Variants in OR2L5 observed in about 807,000 individuals in gnomAD.
OR2L5 encodes the protein olfactory receptor 2L5.
For missense variants in OR2L5, 413 were observed against 381.6 expected (o/e 1.08, Z -0.69); for synonymous variants, 169 against 142.0 (o/e 1.19, Z -1.35).
rs766169928 is a variant in OR2L5, at chr1:248,022,437, C to T, written c.490C>T (p.Arg164Cys). ...NSCAHTVYAFRIPYCKSRAIN... is the reference protein window; with the variant it reads ...NSCAHTVYAFCIPYCKSRAIN... Reference sequence around the variant, plus strand: ...TTGTGCTCACACAGTATATGCATTCCGTATCCCATATTGCAAGTCCAGAGC... The same window carrying T: ...TTGTGCTCACACAGTATATGCATTCTGTATCCCATATTGCAAGTCCAGAGC... The change falls in exon 2 of 2, where the codon CGT becomes TGT. Residue 164 changes from arginine to cysteine, a missense_variant. Physicochemically the swap from Arg to Cys is radical, Grantham distance 180. Transcript: ENST00000355281. The T allele has an allele frequency of 5.5e-5, 88 of 1,614,004 alleles. No individual in the cohort carries two copies. Among genetic ancestry groups the T allele is most frequent in the African/African-American group, 2.7e-4 (20 of 74,906 alleles).
In OR2L5 at chr1:248,019,755, C is replaced by T. The variant is rs564833650; in HGVS notation, c.-21-2172C>T. ...TTCCTTCCTTCTCCTTCTCCTTCTC[C>T]TTCTTCTTCTTCTTTGTCTTGTTCT... On this transcript the variant is annotated intron_variant, in intron 1 of 1. Transcript: ENST00000355281. Among the ~76,000 whole-genome samples, 5 of 144,976 alleles carry T rather than the reference C, an allele frequency of 3.4e-5. No homozygotes were observed. In the South Asian group the frequency reaches 1.0e-3, roughly 30 times the overall value.
chr1:248,019,085 C>G (rs549809408), intron 1 of OR2L5, among the ~76,000 whole-genome samples: 1 of 152,032 alleles, frequency 6.6e-6, no homozygotes, highest in Non-Finnish European at 1.5e-5. Context: ...TGTGATAATA[C>G]TGCTGTGAAT....
chr1:248,022,807 T>A lies in OR2L5; in HGVS notation c.860T>A (p.Ile287Asn). ...ATCCTCACCCCAATGCTCAACCCCA[T>A]CATCTACAGCCTGAGAAACAAGGAG... is the stretch of plus-strand genomic sequence containing the variant. ...YTILTPMLNP[I>N]IYSLRNKEVM... is the part of the protein sequence containing the mutation. Residue 287 changes from isoleucine (I) to asparagine (N), a missense_variant, in exon 2 of 2, where the codon ATC becomes AAC. Ile to Asn is a moderately radical substitution (Grantham distance 149, BLOSUM62 -3). Transcript: ENST00000355281. 6.2e-7 allele frequency: 1 copy of A among 1,613,530 alleles called. No individual in the cohort carries two copies. The highest frequency in any genetic ancestry group is 8.5e-7 in the Non-Finnish European group (1 of 1,179,910).
chr1:248,018,256 G>A (rs1662254771), intron 1 of OR2L5, among the ~76,000 whole-genome samples: 1 of 151,912 alleles, frequency 6.6e-6, no homozygotes, highest in African/African-American at 2.4e-5. Flanking sequence ...CTATTATTCT[G>A]TCCTATGTTA....
Position 248,022,482 on chromosome 1 carries a change from G to A in OR2L5, c.535G>A (p.Asp179Asn), listed in dbSNP as rs751404322. The part of the protein sequence containing the change: ...KSRAINHFFC[D>N]VPAMLTLACT... The stretch of plus-strand genomic sequence containing the variant: ...CAGAGCCATCAATCATTTTTTCTGT[G>A]ATGTTCCAGCTATGTTGACATTAGC... The change falls in exon 2 of 2, where the codon GAT becomes AAT. Residue 179 changes from aspartate to asparagine, a missense_variant. By Grantham distance (23) the Asp-to-Asn change is conservative. Coordinates refer to ENST00000355281, the MANE Select transcript of OR2L5 (RefSeq NM_001258284.2). The A allele has an allele frequency of 6.2e-6, 10 of 1,613,996 alleles. No individual in the cohort carries two copies. In the South Asian group the frequency reaches 9.9e-5, roughly 16 times the overall value.
At chr1:248,018,057 A>G (rs1346575621) in intron 1 of OR2L5, among the ~76,000 whole-genome samples, 1 of 151,546 alleles carries the variant, frequency 6.6e-6, no homozygotes, top group Admixed American at 6.6e-5. Flanking sequence ...TGGGAGGCTG[A>G]GGCAGGAGAA....
At chr1:248,016,746 T>C (rs1662207191) in intron 1 of OR2L5, among the ~76,000 whole-genome samples, 1 of 151,946 alleles carries the variant, frequency 6.6e-6, no homozygotes. Context: ...TATTTATTTA[T>C]ATGTTTTCAT....
Position 248,022,940 on chromosome 1 carries a change from T to C in OR2L5, c.*54T>C, listed in dbSNP as rs1472862276. ...CTAGGTTCATATCAACTCAGCAGTG[T>C]ACAGCAGTGAAGAAAAACATTATTA... On this transcript the variant is annotated 3_prime_UTR_variant, in exon 2 of 2. Transcript: ENST00000355281. 2.7e-6 allele frequency: 4 copies of C among 1,480,192 alleles called. No individual in the cohort carries two copies. Among genetic ancestry groups the C allele is most frequent in the East Asian group, 4.5e-5 (2 of 43,986 alleles). 91.7% of individuals were successfully genotyped at this position (1,480,192 alleles called of 1,614,324 possible). A position where few individuals can be genotyped will look rare whatever the true frequency, so the allele number is the denominator to read the frequency against.
intron 1 of OR2L5, among the ~76,000 whole-genome samples, chr1:248,015,533 C>G (rs1662176952): frequency 6.6e-6 from 1 of 152,136 alleles, no homozygotes; most frequent in African/African-American, 2.4e-5. Context: ...GAAACTGACC[C>G]TGTCACCTGT....
rs1353782677 is a variant in OR2L5 at position 248,024,186 on chromosome 1, T to C, written c.*1300T>C. The C allele has an allele frequency of 6.6e-6, 1 of 152,106 alleles. No individual in the cohort carries two copies. The allele number at this position is 152,106 out of a possible 1,614,324, so 9.4% of individuals were successfully genotyped here. ...AGTTTTAAGCCCCATATGCTTTAGG[T>C]ATTTGTCCTAATGCTCTCCCTCCCC... On this transcript the variant is annotated 3_prime_UTR_variant, in exon 2 of 2. Coordinates refer to ENST00000355281, the MANE Select transcript of OR2L5 (RefSeq NM_001258284.2).
chr1:248,021,844 G>T, intron 1 of OR2L5, 83 bp from the exon 2 acceptor site: 2 of 791,712 alleles, frequency 2.5e-6, no homozygotes, highest in Non-Finnish European at 4.2e-6. Flanking sequence ...GCAATTTCAG[G>T]CATTCACTGG....
chr1:248,021,342 T>C (rs1462394974), intron 1 of OR2L5, among the ~76,000 whole-genome samples: 2 of 152,212 alleles, frequency 1.3e-5, no homozygotes, highest in African/African-American at 4.8e-5. Context: ...GTTGTATAAA[T>C]AATTCACAGT....
At chr1:248,019,456 G>A (rs1662284152) in intron 1 of OR2L5, among the ~76,000 whole-genome samples, 1 of 152,078 alleles carries the variant, frequency 6.6e-6, no homozygotes, top group African/African-American at 2.4e-5. Flanking sequence ...TTCCACAGAG[G>A]CTGTAGAACT....
At chr1:248,015,348 C>T (rs570779097) in intron 1 of OR2L5, among the ~76,000 whole-genome samples, 3 of 152,248 alleles carry the variant, frequency 2.0e-5, no homozygotes, top group African/African-American at 4.8e-5. Flanking sequence ...CTGTGGAGAG[C>T]CGTCCTTGCC....
rs6689045 is a variant in OR2L5, at chr1:248,019,167, A to G, written c.-21-2760A>G. Reference sequence around the variant, plus strand: ...CATTCAGAAGTTAAATAGCTGGAGCATATAATAATTCTGTTTAATTTTTGA... The same window carrying G: ...CATTCAGAAGTTAAATAGCTGGAGCGTATAATAATTCTGTTTAATTTTTGA... On this transcript the variant is annotated intron_variant, in intron 1 of 1. Coordinates refer to ENST00000355281, the MANE Select transcript of OR2L5 (RefSeq NM_001258284.2). 3.5e-3 allele frequency among the ~76,000 whole-genome samples: 537 copies of G among 152,324 alleles called. 10 individuals are homozygous for G. Among genetic ancestry groups the G allele is most frequent in the African/African-American group, 0.012 (494 of 41,576 alleles).
At chr1:248,014,891 T>G (rs184627198) in intron 1 of OR2L5, among the ~76,000 whole-genome samples, 1 of 152,198 alleles carries the variant, frequency 6.6e-6, no homozygotes, top group Non-Finnish European at 1.5e-5. Context: ...TTAAACCGAG[T>G]CTCTTTCCCA....
chr1:248,018,134 G>T (rs1462211455), intron 1 of OR2L5, among the ~76,000 whole-genome samples: 2 of 147,918 alleles, frequency 1.4e-5, no homozygotes, highest in South Asian at 2.1e-4. Context: ...CAGCCTAGGC[G>T]ACAGAGCGAC....
At chr1:248,015,584 C>G (rs1471305602) in intron 1 of OR2L5, among the ~76,000 whole-genome samples, 1 of 152,140 alleles carries the variant, frequency 6.6e-6, no homozygotes, top group Non-Finnish European at 1.5e-5. Flanking sequence ...AGAAAGATCA[C>G]TTTCTGGAAG....
Position 248,018,141 on chromosome 1 carries a change from C to T in OR2L5, c.-21-3786C>T, listed in dbSNP as rs914980079. On this transcript the variant is annotated intron_variant, in intron 1 of 1. Coordinates refer to ENST00000355281, the MANE Select transcript of OR2L5 (RefSeq NM_001258284.2). The stretch of plus-strand genomic sequence containing the variant: ...CTGCACTCCAGCCTAGGCGACAGAG[C>T]GACTCCATCTCAAAAAAATAAAAAA... Among the ~76,000 whole-genome samples, 12 of 147,642 alleles carry T rather than the reference C, an allele frequency of 8.1e-5. 1 individual carries two copies. In the Middle Eastern group the frequency reaches 0.025, roughly 308 times the overall value.
Sources: gnomAD v4.1 joint callset for allele counts (sites outside exome capture counted in the v4.1 genomes callset) on GRCh38, gnomAD v4.1.1 for gene constraint, MANE v1.5 for transcripts, NCBI Gene and HGNC (gene_info 2026-07-23, HGNC 2026-07-21) for gene names.